The following C3orf52 variants were observed in gnomAD, a reference collection of about 807,000 sequenced individuals.
C3orf52 encodes the protein chromosome 3 open reading frame 52.
In C3orf52, 22 loss-of-function variants were observed where a neutral mutation model predicts 24.8. The ratio of observed to expected loss-of-function variants is 0.89; its 90% CI spans 0.63 to 1.27. The LOEUF (loss-of-function observed/expected upper bound fraction) is 1.27, where lower values mean the gene tolerates loss of function less well. C3orf52 is among the 50% of genes most tolerant of loss of function. The pLI is 0.00. For synonymous variants in C3orf52, 93 were observed against 100.2 expected (o/e 0.93, Z 0.43); for missense variants, 265 against 260.7 (o/e 1.02, Z -0.11).
At chr3:112,135,779 G>A (rs959716767), downstream of C3orf52, among the ~76,000 whole-genome samples, 15 of 151,942 alleles carry the variant, frequency 9.9e-5, no homozygotes, top group Non-Finnish European at 2.1e-4. Flanking sequence ...CAAAGGATAG[G>A]AAACTGGCTA....
At chr3:112,119,587 TA>T (rs1185271070), downstream of C3orf52, 4 of 699,074 alleles carry the variant, frequency 5.7e-6, no homozygotes, top group East Asian at 1.1e-4. Flanking sequence ...TTTTGTCTTT[TA>T]CATGTGAATT....
downstream of C3orf52, chr3:112,129,272 A>G (rs889352557): frequency 2.6e-5 from 4 of 152,200 alleles, no homozygotes; most frequent in African/African-American, 9.6e-5. Flanking sequence ...TTTGAGAGAT[A>G]TTCTCTGAAC....
intron 4 of C3orf52, chr3:112,125,132 C>T: frequency 1.2e-6 from 1 of 835,636 alleles, no homozygotes; most frequent in Non-Finnish European, 2.1e-6. Context: ...ATGTAAGGGT[C>T]AGAAGGGATC....
At chr3:112,093,611 CG>C in intron 2 of C3orf52, 122 bp downstream of exon 2, 1 of 971,856 alleles carries the variant, frequency 1.0e-6, no homozygotes, top group East Asian at 2.6e-5. Flanking sequence ...AATTTAAGAC[CG>C]GCTTGGAATA....
chr3:112,111,189 A>T (rs1309407329), intron 4 of C3orf52, among the ~76,000 whole-genome samples: 2 of 152,250 alleles, frequency 1.3e-5, no homozygotes. Context: ...AGCCTGTGAC[A>T]CAGAGAGACT....
chr3:112,087,916 G>A (rs902446120), intron 1 of C3orf52, among the ~76,000 whole-genome samples: 8 of 152,230 alleles, frequency 5.3e-5, no homozygotes, highest in Non-Finnish European at 1.0e-4. Context: ...AGCCTGTCCC[G>A]TAGTGGTAAT....
intron 1 of C3orf52, among the ~76,000 whole-genome samples, chr3:112,087,500 G>A (rs983728451): frequency 6.6e-6 from 1 of 152,032 alleles, no homozygotes; most frequent in African/African-American, 2.4e-5. Context: ...ATCTTTCTAG[G>A]CCCCACTCCT....
chr3:112,131,574 G>A (rs1283305991), downstream of C3orf52, among the ~76,000 whole-genome samples: 6 of 152,150 alleles, frequency 3.9e-5, no homozygotes, highest in Admixed American at 3.9e-4. Flanking sequence ...CAATCCTCCT[G>A]CCTCAGCCTC....
chr3:112,106,648 C>A (rs935948931), intron 3 of C3orf52, among the ~76,000 whole-genome samples: 7 of 152,136 alleles, frequency 4.6e-5, no homozygotes, highest in Admixed American at 2.0e-4. Flanking sequence ...GGAACTGGGG[C>A]AGAGACTAAA....
At chr3:112,103,026 A>G in intron 3 of C3orf52, 61 bp downstream of exon 3, 1 of 1,523,260 alleles carries the variant, frequency 6.6e-7, no homozygotes. Context: ...ATTTTGCTAG[A>G]ATAATTGGCA....
chr3:112,106,388 C>T (rs944601844), intron 3 of C3orf52, among the ~76,000 whole-genome samples: 1 of 152,154 alleles, frequency 6.6e-6, no homozygotes, highest in Non-Finnish European at 1.5e-5. Context: ...CCATCCCACT[C>T]CACCACACTG....
intron 4 of C3orf52, chr3:112,111,756 A>G (rs1484300362): frequency 1.3e-5 from 2 of 152,204 alleles, no homozygotes; most frequent in African/African-American, 4.8e-5. Flanking sequence ...AGCTCAGGGA[A>G]CAAGTTATGA....
At position 112,112,987 on chromosome 3, in the gene C3orf52, A is replaced by G. The variant is rs2074100083; in HGVS notation, c.491A>G (p.Tyr164Cys). ...DFSGENATVT[Y>C]DLQFGVPSDD... ...AGTGGTGAAAATGCCACAGTAACGTATGACCTGCAATTTGGGGTTCCATCA... is the reference window on the plus strand; with the variant it reads ...AGTGGTGAAAATGCCACAGTAACGTGTGACCTGCAATTTGGGGTTCCATCA... The change falls in exon 5 of 6, where the codon TAT becomes TGT. Residue 164 changes from tyrosine (Y) to cysteine (C), a missense_variant. Physicochemically the swap from Tyr to Cys is radical, Grantham distance 194. Coordinates refer to ENST00000264848, the MANE Select transcript of C3orf52 (RefSeq NM_024616.3). 6.2e-7 allele frequency: 1 copy of G among 1,607,882 alleles called. No homozygotes were observed. Among genetic ancestry groups the G allele is most frequent in the Non-Finnish European group, 8.5e-7 (1 of 1,177,144 alleles).
chr3:112,096,579 G>A (rs2073929045), intron 2 of C3orf52, among the ~76,000 whole-genome samples: 1 of 152,202 alleles, frequency 6.6e-6, no homozygotes, highest in African/African-American at 2.4e-5. Flanking sequence ...TTAATACAGT[G>A]AAATAATAAC....
chr3:112,123,344 T>A, intron 4 of C3orf52: 2 of 1,517,492 alleles, frequency 1.3e-6, no homozygotes, highest in Non-Finnish European at 1.8e-6. Flanking sequence ...GGGAAAGGGT[T>A]GTTGTGGGAG....
downstream of C3orf52, chr3:112,135,483 C>T (rs1353519700): frequency 6.6e-6 from 1 of 152,598 alleles, no homozygotes; most frequent in Non-Finnish European, 1.5e-5. Flanking sequence ...ACCCCAGATT[C>T]ATCTCACATC....
Position 112,093,436 on chromosome 3 carries a change from C to T in C3orf52, c.215C>T (p.Ser72Phe), listed in dbSNP as rs1464461555. The change falls in exon 2 of 6, where the codon TCC becomes TTC. Residue 72 changes from serine (S) to phenylalanine (F), a missense_variant. Ser to Phe is a radical substitution (Grantham distance 155, BLOSUM62 -2). Transcript: ENST00000264848. ...GRCKLWMIIT[S>F]IFLGVITVII... is the part of the protein sequence containing the mutation. ...TGCAAACTGTGGATGATCATCACCT[C>T]CATTTTCCTAGGTGTCATTACAGTG... is the stretch of plus-strand genomic sequence containing the variant. 1 of 1,613,628 alleles carries T rather than the reference C, an allele frequency of 6.2e-7. No individual in the cohort carries two copies. The highest frequency in any genetic ancestry group is 1.3e-5 in the African/African-American group (1 of 74,900).
At chr3:112,132,783 G>A (rs1260605176), downstream of C3orf52, 10 of 466,574 alleles carry the variant, frequency 2.1e-5, no homozygotes, top group Non-Finnish European at 2.6e-5. Flanking sequence ...TCTCCTTCCC[G>A]GGCTTTCAGA....
At chr3:112,130,428 G>T (rs781484707), downstream of C3orf52, 4 of 1,610,644 alleles carry the variant, frequency 2.5e-6, no homozygotes, top group Non-Finnish European at 3.4e-6. Flanking sequence ...GGGGTGTTTG[G>T]TTGATTTTGC....
Sources: allele counts gnomAD v4.1 joint callset (sites outside exome capture counted in the v4.1 genomes callset), GRCh38; gene constraint gnomAD v4.1.1; transcripts MANE v1.5; gene names NCBI Gene and HGNC (gene_info 2026-07-23, HGNC 2026-07-21).